The following BABAM2 variants were observed in gnomAD, a reference collection of about 807,000 sequenced individuals.
BABAM2 encodes BRISC and BRCA1 A complex member 2, also known as BRISC and BRCA1-A complex member 2.
Under a neutral mutation model 54.7 loss-of-function variants are expected in BABAM2, and 31 were observed. The ratio of observed to expected loss-of-function variants is 0.57; its 90% CI spans 0.43 to 0.77. The LOEUF is 0.77. BABAM2 is among the 30% of genes least tolerant of loss of function. The pLI, the probability that BABAM2 is intolerant of heterozygous loss-of-function variation, is 0.00. For missense variants in BABAM2, 364 were observed against 455.8 expected (o/e 0.80, Z 1.83); for synonymous variants, 167 against 162.9 (o/e 1.03, Z -0.19).
rs1328818232 is a variant in BABAM2, at chr2:27,977,071, C to T, written c.206-10922C>T. Among the ~76,000 whole-genome samples, 2 of 152,302 alleles carry T rather than the reference C, an allele frequency of 1.3e-5. 1 individual carries two copies. Among genetic ancestry groups the T allele is most frequent in the South Asian group, 4.1e-4 (2 of 4,824 alleles). On this transcript the variant is annotated intron_variant, in intron 3 of 11. Coordinates refer to ENST00000379624, the MANE Select transcript of BABAM2 (RefSeq NM_199191.3). ...TTTTTCCTTGATATTGGAAATTAAA[C>T]TCTACCACTCAAGATGAAAAGAATG...
At chr2:28,167,744 G>A (rs1673872865) in intron 7 of BABAM2, among the ~76,000 whole-genome samples, 1 of 147,848 alleles carries the variant, frequency 6.8e-6, no homozygotes, top group South Asian at 2.2e-4. Flanking sequence ...AAATAACGCA[G>A]TTTGCTAAGT....
chr2:28,109,184 CTTTTTTTTTTTT>C (rs764380110), intron 6 of BABAM2, among the ~76,000 whole-genome samples: 2 of 101,890 alleles, frequency 2.0e-5, no homozygotes, highest in African/African-American at 3.7e-5. Flanking sequence ...GACACATACT[CTTTTTTTTTTTT>C]TTTTTTTTTT....
At chr2:28,151,920 G>A (rs1672085826) in intron 7 of BABAM2, among the ~76,000 whole-genome samples, 1 of 152,184 alleles carries the variant, frequency 6.6e-6, no homozygotes, top group African/African-American at 2.4e-5. Context: ...CGTGGGCACT[G>A]ACACCTCACC....
chr2:28,099,993 G>A (rs945567375), intron 6 of BABAM2, among the ~76,000 whole-genome samples: 4 of 151,822 alleles, frequency 2.6e-5, no homozygotes, highest in African/African-American at 4.8e-5. Flanking sequence ...TCTGTCTTTT[G>A]TGTTGCTGCA....
intron 4 of BABAM2, among the ~76,000 whole-genome samples, chr2:28,009,215 C>G (rs1674209532): frequency 6.6e-6 from 1 of 152,058 alleles, no homozygotes; most frequent in African/African-American, 2.4e-5. Flanking sequence ...GGTCTCACCC[C>G]AGGCATACTT....
Position 28,246,242 on chromosome 2 carries a change from T to C in BABAM2, c.934+1380T>C, listed in dbSNP as rs181522096. 2.3e-4 allele frequency among the ~76,000 whole-genome samples: 35 copies of C among 152,354 alleles called. 1 individual carries two copies. Among genetic ancestry groups the C allele is most frequent in the Admixed American group, 2.0e-3 (31 of 15,300 alleles). On this transcript the variant is annotated intron_variant, in intron 10 of 11. Transcript: ENST00000379624. ...TTCGATGGCCCTACTAATCTGAGCCTAACACTGGTACTGCAGCCACCACTT... is the reference window on the plus strand; with the variant it reads ...TTCGATGGCCCTACTAATCTGAGCCCAACACTGGTACTGCAGCCACCACTT...
intron 3 of BABAM2, among the ~76,000 whole-genome samples, chr2:27,956,137 T>G (rs1670065145): frequency 6.6e-6 from 1 of 152,192 alleles, no homozygotes; most frequent in South Asian, 2.1e-4. Context: ...CTGAGTTGTC[T>G]TCTTTTCATC....
At chr2:28,021,086 T>C (rs1675221332) in intron 4 of BABAM2, among the ~76,000 whole-genome samples, 1 of 152,094 alleles carries the variant, frequency 6.6e-6, no homozygotes, top group Admixed American at 6.6e-5. Flanking sequence ...AGAACTTGAC[T>C]AATTTAAGAT....
intron 3 of BABAM2, among the ~76,000 whole-genome samples, chr2:27,959,270 A>G (rs1292268164): frequency 6.6e-6 from 1 of 152,220 alleles, no homozygotes; most frequent in East Asian, 1.9e-4. Flanking sequence ...GAATCCTGCA[A>G]GTTTTAGACA....
chr2:28,140,738 T>C (rs1202686569), intron 7 of BABAM2, among the ~76,000 whole-genome samples: 5 of 152,172 alleles, frequency 3.3e-5, no homozygotes, highest in Non-Finnish European at 7.4e-5. Context: ...TAAGTATATG[T>C]GCATACATAC....
chr2:27,921,604 C>T (rs1440084600), intron 2 of BABAM2, among the ~76,000 whole-genome samples: 1 of 152,138 alleles, frequency 6.6e-6, no homozygotes, highest in Non-Finnish European at 1.5e-5. Flanking sequence ...ATCTACGTGC[C>T]TCAGTGCCCT....
chr2:28,108,835 G>GA (rs949416851), intron 6 of BABAM2, among the ~76,000 whole-genome samples: 9 of 150,036 alleles, frequency 6.0e-5, no homozygotes, highest in South Asian at 2.1e-4. Flanking sequence ...ATGATGTCGT[G>GA]AAAAAAAAAC....
intron 2 of BABAM2, among the ~76,000 whole-genome samples, chr2:27,918,965 C>G (rs1667171806): frequency 6.6e-6 from 1 of 152,208 alleles, no homozygotes; most frequent in Non-Finnish European, 1.5e-5. Flanking sequence ...GCTAAGATTA[C>G]AGGCATGAGC....
At position 28,058,703 on chromosome 2, in the gene BABAM2, T is replaced by C. The variant is rs73922207; in HGVS notation, c.570+12904T>C. 1.6e-3 allele frequency among the ~76,000 whole-genome samples: 251 copies of C among 152,278 alleles called. 1 individual carries two copies. The highest frequency in any genetic ancestry group is 5.7e-3 in the African/African-American group (236 of 41,562). On this transcript the variant is annotated intron_variant, in intron 6 of 11. Coordinates refer to ENST00000379624, the MANE Select transcript of BABAM2 (RefSeq NM_199191.3). ...GGTGCTACCCAAAGTGCATCAGTTT[T>C]GGTTCTTGATGAAACAAACACAGCA...
chr2:28,114,641 A>G (rs1204993377), intron 6 of BABAM2, among the ~76,000 whole-genome samples: 2 of 152,198 alleles, frequency 1.3e-5, no homozygotes. Context: ...GTGTTGACTC[A>G]GTGAACACCA....
At chr2:28,025,630 T>C in intron 5 of BABAM2, 1 of 480,936 alleles carries the variant, frequency 2.1e-6, no homozygotes, top group East Asian at 3.8e-5. Flanking sequence ...TTTGTAAGAT[T>C]CAGAGTCTCA....
intron 7 of BABAM2, among the ~76,000 whole-genome samples, chr2:28,131,677 C>A (rs1463489404): frequency 2.0e-5 from 3 of 152,236 alleles, no homozygotes; most frequent in South Asian, 2.1e-4. Flanking sequence ...CAAGTAATAG[C>A]CATGAATATT....
At chr2:28,155,257 G>GT (rs1672438464) in intron 7 of BABAM2, among the ~76,000 whole-genome samples, 1 of 152,046 alleles carries the variant, frequency 6.6e-6, no homozygotes, top group African/African-American at 2.4e-5. Flanking sequence ...TTTACCCTCC[G>GT]TTTGCTCAGC....
chr2:28,086,301 A>T (rs1469255655), intron 6 of BABAM2, among the ~76,000 whole-genome samples: 1 of 152,234 alleles, frequency 6.6e-6, no homozygotes, highest in African/African-American at 2.4e-5. Context: ...CTTGAGCTTT[A>T]AAATATAAAT....
Sources: allele counts gnomAD v4.1 joint callset (sites outside exome capture counted in the v4.1 genomes callset), GRCh38; gene constraint gnomAD v4.1.1; transcripts MANE v1.5; gene names NCBI Gene and HGNC (gene_info 2026-07-23, HGNC 2026-07-21).